CASP4: variants seen among roughly 807,000 people sequenced by gnomAD.
CASP4 encodes the protein caspase-4.
CASP4 carries 29 observed loss-of-function variants against 41.3 expected under a neutral mutation model. That is an observed-to-expected ratio of 0.70 (90% CI 0.52 to 0.96). CASP4 has a LOEUF of 0.96. Ranked by LOEUF, CASP4 falls within the 40% of genes least tolerant of loss-of-function variation. CASP4 has a pLI of 0.00. For missense variants in CASP4, 447 were observed against 460.6 expected, an observed-to-expected ratio of 0.97 and a Z score of 0.27; for synonymous variants, 185 against 158.4, an observed-to-expected ratio of 1.17 and a Z score of -1.26.
At chr11:104,948,493 C>T (rs1565364158) in intron 6 of CASP4, 40 bp downstream of exon 6, 3 of 1,529,538 alleles carry the variant, frequency 2.0e-6, no homozygotes, top group Non-Finnish European at 2.7e-6. Context: ...AAGATGGCCT[C>T]AGGCCCACAA....
At chr11:104,946,987 A>G in intron 7 of CASP4, 96 bp downstream of exon 7, 1 of 849,530 alleles carries the variant, frequency 1.2e-6, no homozygotes, top group Non-Finnish European at 2.0e-6. Context: ...CTCTACTTTC[A>G]CTTCCCTGAC....
At chr11:104,956,626 A>T (rs1239446227) in intron 1 of CASP4, 1 of 983,976 alleles carries the variant, frequency 1.0e-6, no homozygotes. Context: ...TTCTTAAAAG[A>T]ATGTAGACAA....
intron 1 of CASP4, among the ~76,000 whole-genome samples, chr11:104,963,102 T>C (rs1449522513): frequency 1.3e-5 from 2 of 152,244 alleles, no homozygotes; most frequent in Non-Finnish European, 1.5e-5. Flanking sequence ...AAAAGGATTT[T>C]GTTAAGAGCA....
intron 8 of CASP4, chr11:104,943,246 C>T (rs920751921): frequency 7.5e-5 from 20 of 266,648 alleles, no homozygotes; most frequent in South Asian, 1.6e-4. Flanking sequence ...CATAGAACCA[C>T]GCGATCTGGC....
At position 104,968,540 on chromosome 11, in the gene CASP4, G is replaced by C. The variant is rs199666174; in HGVS notation, c.-15C>G. Reference sequence around the variant, plus strand: ...TCACCTGCCATAGGGAACAGCCTCTGTCCTTTTTTACAGCGTTGGAAAGAG... The same window carrying C: ...TCACCTGCCATAGGGAACAGCCTCTCTCCTTTTTTACAGCGTTGGAAAGAG... On this transcript the variant is annotated 5_prime_UTR_variant, in exon 1 of 9. Coordinates refer to ENST00000444739, the MANE Select transcript of CASP4 (RefSeq NM_001225.4). The C allele has an allele frequency of 6.2e-6, 10 of 1,613,002 alleles. No individual in the cohort carries two copies. The highest frequency in any genetic ancestry group is 7.6e-6 in the Non-Finnish European group (9 of 1,179,064).
intron 1 of CASP4, among the ~76,000 whole-genome samples, chr11:104,956,295 C>G (rs2134648453): frequency 6.6e-6 from 1 of 152,116 alleles, no homozygotes; most frequent in South Asian, 2.1e-4. Context: ...TATGTCACAT[C>G]ACATGAATTA....
intron 1 of CASP4, among the ~76,000 whole-genome samples, chr11:104,966,277 G>T (rs1860973395): frequency 6.6e-6 from 1 of 151,922 alleles, no homozygotes; most frequent in African/African-American, 2.4e-5. Flanking sequence ...TTGCATGTTG[G>T]ATATTTCAAC....
intron 1 of CASP4, among the ~76,000 whole-genome samples, chr11:104,958,181 T>C (rs1860777498): frequency 6.6e-6 from 1 of 152,176 alleles, no homozygotes; most frequent in African/African-American, 2.4e-5. Context: ...GTGAAACTAC[T>C]AGAAGAAAAC....
chr11:104,946,190 T>C (rs7125155), intron 7 of CASP4, among the ~76,000 whole-genome samples: 15,354 of 152,184 alleles, frequency 0.1, 936 homozygotes, highest in African/African-American at 0.17. Context: ...ATCTTTCTTT[T>C]CCCGCAGGAG....
At chr11:104,961,907 C>T (rs561132981) in intron 1 of CASP4, among the ~76,000 whole-genome samples, 145 of 152,278 alleles carry the variant, frequency 9.5e-4, no homozygotes, top group African/African-American at 3.2e-3. Flanking sequence ...TGCTCTTTGC[C>T]TTACCCAGAG....
intron 4 of CASP4, 149 bp from the exon 5 acceptor site, chr11:104,949,926 T>C (rs1860566673): frequency 7.0e-6 from 5 of 718,930 alleles, no homozygotes; most frequent in Non-Finnish European, 1.1e-5. Context: ...AGCTGTTTAA[T>C]GGTTTTATTT....
Position 104,954,899 on chromosome 11 carries a change from C to T in CASP4, c.110G>A (p.Trp37Ter). Residue 37 changes from tryptophan (W) to a stop codon, truncating the protein, a stop_gained, in exon 2 of 9, where the codon TGG becomes TAG. Transcript: ENST00000444739. LOFTEE classifies it high-confidence loss of function. The part of the protein sequence containing the change: ...DNLVEQNVLN[W>*]KEEEKKKYYD... ...ATATTTCTTTTTTTCCTCTTCCTTCCAGTTCAGTACATTTTGTTCCACCAA... is the reference window on the plus strand; with the variant it reads ...ATATTTCTTTTTTTCCTCTTCCTTCTAGTTCAGTACATTTTGTTCCACCAA... 1 of 1,613,676 alleles carries T rather than the reference C, an allele frequency of 6.2e-7. No individual in the cohort carries two copies. The highest frequency in any genetic ancestry group is 8.5e-7 in the Non-Finnish European group (1 of 1,179,758).
chr11:104,967,065 GA>G (rs1175099357), intron 1 of CASP4, among the ~76,000 whole-genome samples: 1 of 152,136 alleles, frequency 6.6e-6, no homozygotes, highest in African/African-American at 2.4e-5. Context: ...TCAATTAGAG[GA>G]AAAAACTTAT....
chr11:104,945,307 C>A (rs1860429643), intron 7 of CASP4, among the ~76,000 whole-genome samples: 1 of 148,176 alleles, frequency 6.7e-6, no homozygotes, highest in South Asian at 2.1e-4. Context: ...GGCTGGAGTG[C>A]AATGGTGCAA....
At chr11:104,947,621 A>C (rs1255768837) in intron 6 of CASP4, 1 of 153,106 alleles carries the variant, frequency 6.5e-6, no homozygotes, top group East Asian at 1.9e-4. Context: ...CAGGCTCCAA[A>C]GTTGTTTGCA....
At chr11:104,949,220 A>G in intron 5 of CASP4, 1 of 373,508 alleles carries the variant, frequency 2.7e-6, no homozygotes, top group Non-Finnish European at 5.0e-6. Flanking sequence ...CAATGTCAAA[A>G]TTTCTGTAAA....
intron 4 of CASP4, 122 bp downstream of exon 4, chr11:104,950,803 C>CACACAT: frequency 2.7e-6 from 2 of 737,886 alleles, no homozygotes; most frequent in Non-Finnish European, 4.4e-6. Context: ...TGTATACACA[C>CACACAT]ACACACACAC....
chr11:104,951,253 G>A (rs1199223340), intron 3 of CASP4, 155 bp from the exon 4 acceptor site: 1 of 559,120 alleles, frequency 1.8e-6, no homozygotes, highest in African/African-American at 1.9e-5. Flanking sequence ...AAGAACCCAG[G>A]GAAAGAACCG....
chr11:104,948,666 C>T lies in CASP4; in HGVS notation c.792G>A (p.Gly264=). Residue 264 remains glycine, a synonymous_variant, in exon 6 of 9, where the codon GGG becomes GGA. Coordinates refer to ENST00000444739, the MANE Select transcript of CASP4 (RefSeq NM_001225.4). ...CTGGAGAGTCTCTGACCCACAGTTC[C>T]CCACGGTTTGCTATGGAGACATTAA... The part of the protein sequence containing the change: ...IVQACRGANR[G]ELWVRDSPAS... 6.2e-7 allele frequency: 1 copy of T among 1,602,962 alleles called. No individual in the cohort carries two copies.
Sources: gnomAD v4.1 joint callset for allele counts (sites outside exome capture counted in the v4.1 genomes callset) on GRCh38, gnomAD v4.1.1 for gene constraint, MANE v1.5 for transcripts, NCBI Gene and HGNC (gene_info 2026-07-23, HGNC 2026-07-21) for gene names.